The following CDC123 variants were observed in gnomAD, a reference collection of about 807,000 sequenced individuals.
CDC123 encodes cell division cycle 123.
A neutral mutation model predicts 54.4 loss-of-function variants in CDC123; 37 were observed. That is an observed-to-expected ratio of 0.68 (90% CI 0.52 to 0.89). The LOEUF (loss-of-function observed/expected upper bound fraction) is 0.89, where lower values mean the gene tolerates loss of function less well. CDC123 is among the 40% of genes least tolerant of loss of function. The pLI is 0.00. For missense variants in CDC123, 361 were observed against 412.1 expected (o/e 0.88, Z 1.07); for synonymous variants, 144 against 136.8 (o/e 1.05, Z -0.37).
At chr10:12,235,224 T>A (rs1310372129) in intron 8 of CDC123, 101 bp downstream of exon 8, 2 of 962,566 alleles carry the variant, frequency 2.1e-6, no homozygotes, top group Non-Finnish European at 3.3e-6. Flanking sequence ...GACAGGGATG[T>A]CAATCTGTTT....
chr10:12,213,690 C>T (rs1588672972), intron 4 of CDC123, among the ~76,000 whole-genome samples: 1 of 151,682 alleles, frequency 6.6e-6, no homozygotes, highest in Non-Finnish European at 1.5e-5. Flanking sequence ...AATCATGACT[C>T]ATATAAAACT....
chr10:12,250,162 T>C, intron 12 of CDC123, 149 bp from the exon 13 acceptor site: 1 of 518,900 alleles, frequency 1.9e-6, no homozygotes. Context: ...GGAGTCAAAG[T>C]GATAAACTAG....
intron 4 of CDC123, among the ~76,000 whole-genome samples, chr10:12,215,302 A>G (rs1272037167): frequency 6.6e-6 from 1 of 152,182 alleles, no homozygotes; most frequent in Non-Finnish European, 1.5e-5. Context: ...GGAATACCAT[A>G]TGGCTAAGAC....
chr10:12,219,710 A>C (rs1835708897), intron 6 of CDC123, among the ~76,000 whole-genome samples: 1 of 128,060 alleles, frequency 7.8e-6, no homozygotes, highest in South Asian at 2.4e-4. Context: ...TTTTTGACGG[A>C]GTCTCACTCT....
intron 1 of CDC123, among the ~76,000 whole-genome samples, chr10:12,196,931 GT>G (rs926743883): frequency 1.3e-5 from 2 of 152,102 alleles, no homozygotes; most frequent in African/African-American, 4.8e-5. Flanking sequence ...TCATCTCTCA[GT>G]TTTTTTAAAG....
chr10:12,213,095 T>G (rs528522282), intron 4 of CDC123, among the ~76,000 whole-genome samples: 10 of 152,356 alleles, frequency 6.6e-5, no homozygotes, highest in African/African-American at 2.4e-4. Flanking sequence ...TGGCAACCAT[T>G]GTAATAATAT....
At chr10:12,239,117 T>C (rs1273591207) in intron 10 of CDC123, among the ~76,000 whole-genome samples, 2 of 151,970 alleles carry the variant, frequency 1.3e-5, no homozygotes, top group African/African-American at 4.8e-5. Flanking sequence ...ATTGCGCCAC[T>C]GCTCTCCAGC....
intron 7 of CDC123, among the ~76,000 whole-genome samples, chr10:12,231,906 C>T (rs530109354): frequency 9.5e-4 from 144 of 152,008 alleles, no homozygotes; most frequent in Non-Finnish European, 1.2e-3. Flanking sequence ...AATGCAGTGG[C>T]GCGATCTCAG....
At chr10:12,230,878 A>G in intron 6 of CDC123, 70 bp from the exon 7 acceptor site, 1 of 1,377,608 alleles carries the variant, frequency 7.3e-7, no homozygotes, top group Middle Eastern at 1.8e-4. Context: ...TGTTAAATAT[A>G]TGTTAAGTGT....
chr10:12,228,141 C>A (rs1306446459), intron 6 of CDC123, among the ~76,000 whole-genome samples: 1 of 151,892 alleles, frequency 6.6e-6, no homozygotes, highest in Non-Finnish European at 1.5e-5. Context: ...AGCTTTGTTG[C>A]CCAGGCTGGT....
At chr10:12,197,626 C>T (rs555144651) in intron 1 of CDC123, among the ~76,000 whole-genome samples, 99 of 142,292 alleles carry the variant, frequency 7.0e-4, no homozygotes, top group African/African-American at 2.3e-3. Context: ...ATCCGCCCGC[C>T]TCGGCCTCCC....
At chr10:12,246,320 C>A in intron 11 of CDC123, 43 bp downstream of exon 11, 1 of 1,604,474 alleles carries the variant, frequency 6.2e-7, no homozygotes, top group South Asian at 1.1e-5. Flanking sequence ...CCTTTCCAGT[C>A]TACTGACTGA....
intron 1 of CDC123, among the ~76,000 whole-genome samples, chr10:12,198,447 T>A (rs1322155756): frequency 6.6e-6 from 1 of 152,234 alleles, no homozygotes; most frequent in African/African-American, 2.4e-5. Flanking sequence ...AGCTTGTTGC[T>A]TTCATACTGT....
chr10:12,232,788 CT>C (rs34976610), intron 7 of CDC123, among the ~76,000 whole-genome samples: 38 of 148,248 alleles, frequency 2.6e-4, no homozygotes, highest in Admixed American at 2.4e-3. Flanking sequence ...CCTTACCTTT[CT>C]TTTTTTTTTT....
At chr10:12,238,607 A>C (rs1452189966) in intron 10 of CDC123, 122 bp downstream of exon 10, 10 of 1,176,726 alleles carry the variant, frequency 8.5e-6, no homozygotes, top group Non-Finnish European at 1.2e-5. Context: ...TGGGTGCAGC[A>C]GCTCATGCCT....
chr10:12,228,137 G>A (rs1835852092), intron 6 of CDC123, among the ~76,000 whole-genome samples: 1 of 151,692 alleles, frequency 6.6e-6, no homozygotes, highest in Admixed American at 6.6e-5. Context: ...ACCTAGCTTT[G>A]TTGCCCAGGC....
At chr10:12,215,913 A>AG (rs1484270065) in intron 5 of CDC123, 78 bp downstream of exon 5, 2 of 839,144 alleles carry the variant, frequency 2.4e-6, no homozygotes, top group Non-Finnish European at 3.7e-6. Flanking sequence ...ATCCCTACAG[A>AG]GGGTCTAATT....
intron 1 of CDC123, 39 bp downstream of exon 1, chr10:12,196,358 G>A: frequency 6.2e-7 from 1 of 1,613,510 alleles, no homozygotes; most frequent in Non-Finnish European, 8.5e-7. Context: ...ACCGGCAAAA[G>A]GGAACTGCGA....
chr10:12,201,846 C>G (rs945165514), intron 2 of CDC123, among the ~76,000 whole-genome samples: 6 of 152,076 alleles, frequency 3.9e-5, no homozygotes, highest in African/African-American at 1.4e-4. Flanking sequence ...CTGCTAGTGG[C>G]TTGAACTAAG....
Sources: allele counts gnomAD v4.1 joint callset (sites outside exome capture counted in the v4.1 genomes callset), GRCh38; gene constraint gnomAD v4.1.1; transcripts MANE v1.5; gene names NCBI Gene and HGNC (gene_info 2026-07-23, HGNC 2026-07-21).